Variants in SNX9 observed in about 807,000 individuals in gnomAD.
SNX9 encodes the protein sorting nexin-9.
Under a neutral mutation model 89.4 loss-of-function variants are expected in SNX9, and 44 were observed. The observed-to-expected ratio is 0.49, with a 90% CI of 0.39 to 0.63. SNX9 has a LOEUF of 0.63. Ranked by LOEUF, SNX9 falls within the 30% of genes least tolerant of loss-of-function variation. SNX9 has a pLI of 0.00. For missense variants in SNX9, 578 were observed against 736.1 expected (o/e 0.79, Z 2.49); for synonymous variants, 236 against 247.8 (o/e 0.95, Z 0.45).
intron 17 of SNX9, among the ~76,000 whole-genome samples, chr6:157,942,253 C>T (rs1342853482): frequency 6.6e-6 from 1 of 152,210 alleles, no homozygotes; most frequent in Non-Finnish European, 1.5e-5. Context: ...ACCAAGCCCT[C>T]GTGCTGGATG....
intron 5 of SNX9, among the ~76,000 whole-genome samples, chr6:157,899,235 C>T (rs1053170193): frequency 1.3e-5 from 2 of 152,200 alleles, no homozygotes; most frequent in African/African-American, 4.8e-5. Flanking sequence ...CACACCCCAA[C>T]TCGGTCTTTT....
chr6:157,852,009 TG>T (rs1781924584), intron 1 of SNX9, among the ~76,000 whole-genome samples: 1 of 152,244 alleles, frequency 6.6e-6, no homozygotes, highest in Non-Finnish European at 1.5e-5. Flanking sequence ...CTTTGTATTT[TG>T]TTTATTCATC....
At chr6:157,837,129 C>T (rs147655921) in intron 1 of SNX9, among the ~76,000 whole-genome samples, 399 of 152,288 alleles carry the variant, frequency 2.6e-3, no homozygotes, top group African/African-American at 9.2e-3. Context: ...TCATATGATG[C>T]AGAAAATCAC....
chr6:157,844,818 C>T (rs893093034), intron 1 of SNX9, among the ~76,000 whole-genome samples: 1 of 152,074 alleles, frequency 6.6e-6, no homozygotes, highest in African/African-American at 2.4e-5. Flanking sequence ...TGGTCTTGAA[C>T]TCCTGACCTC....
chr6:157,931,258 T>G (rs1186320493), intron 12 of SNX9, among the ~76,000 whole-genome samples: 1 of 151,998 alleles, frequency 6.6e-6, no homozygotes, highest in Non-Finnish European at 1.5e-5. Context: ...AGGGGTACAA[T>G]TTATTAAAAT....
chr6:157,864,847 G>A (rs1782221709), intron 1 of SNX9, among the ~76,000 whole-genome samples: 1 of 152,130 alleles, frequency 6.6e-6, no homozygotes, highest in Admixed American at 6.5e-5. Flanking sequence ...GGCCAACGTG[G>A]TGAAACCTCG....
rs1322925301 is a variant in SNX9 at position 157,823,753 on chromosome 6, C to A, written c.12+307C>A. 6.6e-6 allele frequency among the ~76,000 whole-genome samples: 1 copy of A among 151,764 alleles called. No individual in the cohort carries two copies. On this transcript the variant is annotated intron_variant, in intron 1 of 17. Coordinates refer to ENST00000392185, the MANE Select transcript of SNX9 (RefSeq NM_016224.5). The surrounding 1 kb of genome is among the most constrained non-coding windows in gnomAD (Gnocchi z 4.6). ...TGAGCGTGGGCTGCGGCGGGCTCGCCGGGAGGGGCCGCGGGACGGAAACTT... is the reference window on the plus strand; with the variant it reads ...TGAGCGTGGGCTGCGGCGGGCTCGCAGGGAGGGGCCGCGGGACGGAAACTT...
At chr6:157,917,598 A>C (rs1783499358) in intron 9 of SNX9, among the ~76,000 whole-genome samples, 1 of 152,112 alleles carries the variant, frequency 6.6e-6, no homozygotes, top group Non-Finnish European at 1.5e-5. Context: ...TTGGTTCCAG[A>C]ACCTCCCACA....
chr6:157,842,537 G>A (rs988718970), intron 1 of SNX9, among the ~76,000 whole-genome samples: 2 of 152,182 alleles, frequency 1.3e-5, no homozygotes, highest in Admixed American at 1.3e-4. Context: ...CAGTCTCCCC[G>A]AGCATTTGGG....
intron 9 of SNX9, among the ~76,000 whole-genome samples, chr6:157,919,818 T>C (rs1783547581): frequency 6.6e-6 from 1 of 152,218 alleles, no homozygotes; most frequent in African/African-American, 2.4e-5. Flanking sequence ...AACTGGACAT[T>C]TTTGAGAATA....
chr6:157,826,538 G>A (rs923922926), intron 1 of SNX9, among the ~76,000 whole-genome samples: 3 of 148,792 alleles, frequency 2.0e-5, no homozygotes, highest in Non-Finnish European at 3.0e-5. Flanking sequence ...ATCAGTAACT[G>A]CACATTTTAA....
chr6:157,882,372 A>T (rs1360064979), intron 4 of SNX9, among the ~76,000 whole-genome samples: 1 of 152,220 alleles, frequency 6.6e-6, no homozygotes, highest in Non-Finnish European at 1.5e-5. Flanking sequence ...GGAGATGTAC[A>T]TGAAGATTGA....
intron 1 of SNX9, among the ~76,000 whole-genome samples, chr6:157,826,850 A>ATATATAAATATATATTATAGTTTATATAT (rs1166535058): frequency 5.2e-5 from 4 of 76,418 alleles, no homozygotes; most frequent in African/African-American, 7.2e-5. Flanking sequence ...ATTATATTTT[A>ATATATAAATATATATTATAGTTTATATAT]TATATAAATA....
chr6:157,927,446 A>G (rs1783718052), intron 11 of SNX9, among the ~76,000 whole-genome samples: 1 of 152,208 alleles, frequency 6.6e-6, no homozygotes, highest in African/African-American at 2.4e-5. Context: ...CAGTGATTTC[A>G]TAGTTGACAC....
chr6:157,889,218 G>A (rs968484438), intron 4 of SNX9, among the ~76,000 whole-genome samples: 4 of 152,062 alleles, frequency 2.6e-5, no homozygotes, highest in Non-Finnish European at 5.9e-5. Flanking sequence ...ATTACCTGAG[G>A]TCAGGAGTTC....
At chr6:157,925,480 A>C (rs773446098) in intron 10 of SNX9, among the ~76,000 whole-genome samples, 2 of 152,080 alleles carry the variant, frequency 1.3e-5, no homozygotes, top group Non-Finnish European at 2.9e-5. Flanking sequence ...ACTCCTGGAT[A>C]TGTACTGAAT....
chr6:157,915,640 A>AATATATATATATATATATATATAT (rs1411739606), intron 9 of SNX9, among the ~76,000 whole-genome samples: 11 of 95,096 alleles, frequency 1.2e-4, no homozygotes, highest in Non-Finnish European at 2.3e-4. Context: ...AAAAAAAAAA[A>AATATATATATATATATATATATAT]ATATATATAT....
intron 4 of SNX9, among the ~76,000 whole-genome samples, chr6:157,896,490 G>C (rs1282136503): frequency 6.6e-6 from 1 of 152,194 alleles, no homozygotes; most frequent in Non-Finnish European, 1.5e-5. Flanking sequence ...AACACACATA[G>C]GAATGGATAC....
At chr6:157,890,258 TCTCCCCCA>T (rs1230347281) in intron 4 of SNX9, among the ~76,000 whole-genome samples, 2 of 152,178 alleles carry the variant, frequency 1.3e-5, no homozygotes, top group Non-Finnish European at 2.9e-5. Context: ...TGCGTGTCCG[TCTCCCCCA>T]CCCCTCGTGG....
Sources: allele counts gnomAD v4.1 joint callset (sites outside exome capture counted in the v4.1 genomes callset), GRCh38; gene constraint gnomAD v4.1.1; non-coding constraint Gnocchi (gnomAD v3.1); transcripts MANE v1.5; gene names NCBI Gene and HGNC (gene_info 2026-07-23, HGNC 2026-07-21).